Variants in PLS1 observed in about 807,000 individuals in gnomAD.
PLS1 encodes plastin 1, also known as plastin-1.
In PLS1, 32 loss-of-function variants were observed where a neutral mutation model predicts 73.7. That is an observed-to-expected ratio of 0.43 (90% CI 0.33 to 0.58). PLS1 has a LOEUF of 0.58. PLS1 is among the 20% of genes least tolerant of loss of function. PLS1 has a pLI of 0.04. For missense variants in PLS1, 633 were observed against 740.5 expected, an observed-to-expected ratio of 0.85 and a Z score of 1.68; for synonymous variants, 217 against 261.3, an observed-to-expected ratio of 0.83 and a Z score of 1.63.
intron 13 of PLS1, 42 bp downstream of exon 13, chr3:142,704,043 C>T (rs2038396992): frequency 6.3e-7 from 1 of 1,582,636 alleles, no homozygotes; most frequent in African/African-American, 1.3e-5. Context: ...CTGTTTCCTC[C>T]AACAAGTAAT....
chr3:142,664,437 A>C, intron 2 of PLS1, 130 bp downstream of exon 2: 1 of 519,448 alleles, frequency 1.9e-6, no homozygotes, highest in Non-Finnish European at 3.5e-6. Context: ...TTTTCTATCT[A>C]GGTTTCACTG....
At chr3:142,705,649 T>G (rs1205699763) in intron 14 of PLS1, among the ~76,000 whole-genome samples, 1 of 152,262 alleles carries the variant, frequency 6.6e-6, no homozygotes, top group African/African-American at 2.4e-5. Context: ...GATGAAACAC[T>G]AAGCTATCCT....
chr3:142,641,433 T>A (rs185889333), intron 1 of PLS1, among the ~76,000 whole-genome samples: 1 of 151,096 alleles, frequency 6.6e-6, no homozygotes, highest in East Asian at 1.9e-4. Flanking sequence ...TTTATATATA[T>A]GTATGAATAT....
chr3:142,654,799 G>T lies in PLS1; in HGVS notation c.-36-9403G>T, dbSNP rs183645702. The T allele has an allele frequency of 9.6e-4, 146 of 152,332 alleles. 2 individuals are homozygous for T. The highest frequency in any genetic ancestry group is 3.4e-3 in the African/African-American group (140 of 41,578). 9.4% of individuals were successfully genotyped at this position (152,332 alleles called of 1,614,324 possible). On this transcript the variant is annotated intron_variant, in intron 1 of 15. Transcript: ENST00000457734. The stretch of plus-strand genomic sequence containing the variant: ...GCAAACAAGTGCTCAATAAGTTGTT[G>T]TTGAATAAATAAATGGGTAAGTGAA...
chr3:142,655,641 G>C lies in PLS1; in HGVS notation c.-36-8561G>C, dbSNP rs2037211790. Among the ~76,000 whole-genome samples the C allele has an allele frequency of 4.7e-5, 7 of 149,856 alleles. No individual in the cohort carries two copies. In the South Asian group the frequency reaches 1.3e-3, roughly 27 times the overall value. On this transcript the variant is annotated intron_variant, in intron 1 of 15. Transcript: ENST00000457734. ...GGAGGCTGAGGCAGGAAAATCGCTT[G>C]AACCTGGGAGGTGGAGGTTGCAGTG...
chr3:142,689,873 C>A, intron 10 of PLS1, 60 bp downstream of exon 10: 2 of 1,088,386 alleles, frequency 1.8e-6, no homozygotes, highest in Admixed American at 2.3e-5. Context: ...TATTGTCTTA[C>A]TTCACTGTCA....
intron 1 of PLS1, among the ~76,000 whole-genome samples, chr3:142,615,080 A>G (rs1440321190): frequency 6.6e-6 from 1 of 152,134 alleles, no homozygotes; most frequent in Non-Finnish European, 1.5e-5. Flanking sequence ...AGGATGGAAA[A>G]GGAGGGTAGA....
chr3:142,666,377 A>G (rs1043638316), intron 2 of PLS1, among the ~76,000 whole-genome samples: 1 of 152,194 alleles, frequency 6.6e-6, no homozygotes, highest in African/African-American at 2.4e-5. Context: ...TACCTCACAT[A>G]AGTGGAATCA....
intron 1 of PLS1, among the ~76,000 whole-genome samples, chr3:142,607,754 C>T (rs1189742603): frequency 6.6e-6 from 1 of 152,120 alleles, no homozygotes; most frequent in African/African-American, 2.4e-5. Context: ...GTTACTGTGT[C>T]TCCTTAGGCT....
At chr3:142,695,765 T>TTAC (rs2038183917) in intron 11 of PLS1, among the ~76,000 whole-genome samples, 3 of 7,526 alleles carry the variant, frequency 4.0e-4, no homozygotes, top group Admixed American at 1.4e-3. Context: ...GACTTACTTA[T>TTAC]TTATTTATTT....
At chr3:142,690,235 T>C (rs1033480024) in intron 10 of PLS1, among the ~76,000 whole-genome samples, 1 of 152,232 alleles carries the variant, frequency 6.6e-6, no homozygotes, top group Admixed American at 6.5e-5. Flanking sequence ...TATTTGTCTT[T>C]TGTGTGGTCT....
intron 12 of PLS1, among the ~76,000 whole-genome samples, chr3:142,702,647 A>G (rs1044293759): frequency 6.6e-6 from 1 of 152,230 alleles, no homozygotes; most frequent in South Asian, 2.1e-4. Flanking sequence ...ACTCAGATAC[A>G]TAAGAATTTA....
At chr3:142,599,238 G>T (rs368499550) in intron 1 of PLS1, among the ~76,000 whole-genome samples, 4 of 151,548 alleles carry the variant, frequency 2.6e-5, no homozygotes, top group Middle Eastern at 3.4e-3. Flanking sequence ...GCCATGGGGA[G>T]GGTGGGCATT....
At chr3:142,622,355 A>G (rs890087740) in intron 1 of PLS1, among the ~76,000 whole-genome samples, 1 of 152,200 alleles carries the variant, frequency 6.6e-6, no homozygotes, top group East Asian at 1.9e-4. Flanking sequence ...CACCACAATC[A>G]AGACGTAGAA....
intron 10 of PLS1, among the ~76,000 whole-genome samples, chr3:142,692,369 G>C (rs1431458893): frequency 6.6e-6 from 1 of 151,760 alleles, no homozygotes; most frequent in East Asian, 1.9e-4. Context: ...CAGATCTAGG[G>C]GGAAAAAAAG....
At chr3:142,689,936 T>C (rs1478044188) in intron 10 of PLS1, 123 bp downstream of exon 10, 1 of 527,726 alleles carries the variant, frequency 1.9e-6, no homozygotes, top group Non-Finnish European at 3.1e-6. Context: ...GGTATGTGTA[T>C]CTATTGAAAA....
intron 1 of PLS1, among the ~76,000 whole-genome samples, chr3:142,624,275 A>C (rs927058703): frequency 5.3e-5 from 8 of 152,268 alleles, no homozygotes; most frequent in African/African-American, 1.7e-4. Flanking sequence ...TGTTTCATTG[A>C]ATTTGGGAAG....
intron 4 of PLS1, among the ~76,000 whole-genome samples, chr3:142,674,542 T>C (rs2037678396): frequency 6.6e-6 from 1 of 152,172 alleles, no homozygotes; most frequent in Non-Finnish European, 1.5e-5. Context: ...TTTTTATATC[T>C]ACAGAATAAT....
intron 7 of PLS1, 34 bp downstream of exon 7, chr3:142,684,205 C>T: frequency 1.2e-6 from 2 of 1,613,444 alleles, no homozygotes; most frequent in Non-Finnish European, 1.7e-6. Context: ...TGTTCATTGA[C>T]ATGTACTTGC....
Sources: gnomAD v4.1 joint callset for allele counts (sites outside exome capture counted in the v4.1 genomes callset) on GRCh38, gnomAD v4.1.1 for gene constraint, MANE v1.5 for transcripts, NCBI Gene and HGNC (gene_info 2026-07-23, HGNC 2026-07-21) for gene names.